HRC: variants seen among roughly 807,000 people sequenced by gnomAD.
HRC encodes the protein histidine rich calcium binding protein.
Under a neutral mutation model 61.4 loss-of-function variants are expected in HRC, and 41 were observed. The ratio of observed to expected loss-of-function variants is 0.67; its 90% CI spans 0.52 to 0.87. HRC has a LOEUF of 0.87. HRC is among the 40% of genes least tolerant of loss of function. The probability of loss-of-function intolerance (pLI) is 0.00; values close to 1 mark genes in which losing one functional copy is unlikely to be tolerated. For synonymous variants in HRC, 308 were observed against 326.6 expected, an observed-to-expected ratio of 0.94 and a Z score of 0.62; for missense variants, 839 against 885.8, an observed-to-expected ratio of 0.95 and a Z score of 0.67.
chr19:49,151,586 G>A (rs1327056025), intron 4 of HRC, 33 bp from the exon 5 acceptor site: 7 of 1,609,898 alleles, frequency 4.3e-6, no homozygotes, highest in Non-Finnish European at 5.9e-6. Flanking sequence ...GGCTTGAGGG[G>A]TACTGCACGA....
chr19:49,154,680 A>T lies in HRC; in HGVS notation c.558T>A (p.Asp186Glu). Residue 186 changes from aspartate (D) to glutamate (E), a missense_variant, in exon 1 of 6, where the codon GAT (aspartate) becomes GAA (glutamate). Coordinates refer to ENST00000252825, the MANE Select transcript of HRC (RefSeq NM_002152.3). Reference protein sequence around the residue: ...HILRHGHRGHDGEDDEGEEEE... With the variant: ...HILRHGHRGHEGEDDEGEEEE... Reference sequence around the variant, plus strand: ...CCTCTTCTCCTTCATCATCTTCCCCATCATGGCCTCGGTGTCCATGCCTGA... The same window carrying T: ...CCTCTTCTCCTTCATCATCTTCCCCTTCATGGCCTCGGTGTCCATGCCTGA... 6.2e-7 allele frequency: 1 copy of T among 1,610,326 alleles called. No individual in the cohort carries two copies. The highest frequency in any genetic ancestry group is 1.3e-5 in the African/African-American group (1 of 74,318).
chr19:49,153,262 T>G lies in HRC; in HGVS notation c.1901A>C (p.Asn634Thr), dbSNP rs779973975. ...GSLCGYCSFCNRCTECESCHC... is the reference protein window; with the variant it reads ...GSLCGYCSFCTRCTECESCHC... Reference sequence around the variant, plus strand: ...GGTGGATCTGGGCTGGGGACATACATTGCAGAAGGAGCAGTAGCCACACAG... The same window carrying G: ...GGTGGATCTGGGCTGGGGACATACAGTGCAGAAGGAGCAGTAGCCACACAG... Residue 634 changes from asparagine to threonine, a missense_variant and splice_region_variant, in exon 2 of 6, where the codon AAT (asparagine) becomes ACT (threonine). Transcript: ENST00000252825. The surrounding 1 kb of genome is among the most constrained non-coding windows in gnomAD (Gnocchi z 4.8). The G allele has an allele frequency of 6.2e-7, 1 of 1,611,704 alleles. No individual in the cohort carries two copies. The highest frequency in any genetic ancestry group is 8.5e-7 in the Non-Finnish European group (1 of 1,177,890).
intron 4 of HRC, 87 bp downstream of exon 4, chr19:49,151,917 A>T (rs1423520): frequency 0.61 from 830,164 of 1,364,368 alleles, 258,432 homozygotes; most frequent in African/African-American, 0.87. Flanking sequence ...CCACCAGCCT[A>T]CCGGGCCAGG....
Sources: allele counts gnomAD v4.1 joint callset, GRCh38; gene constraint gnomAD v4.1.1; non-coding constraint Gnocchi (gnomAD v3.1); transcripts MANE v1.5; gene names NCBI Gene and HGNC (gene_info 2026-07-23, HGNC 2026-07-21).